IPCEF1: variants seen among roughly 807,000 people sequenced by gnomAD.
The protein encoded by IPCEF1 is interaction protein for cytohesin exchange factors 1, also known as interactor protein for cytohesin exchange factors 1.
A neutral mutation model predicts 50.9 loss-of-function variants in IPCEF1; 31 were observed. The ratio of observed to expected loss-of-function variants is 0.61; its 90% confidence interval spans 0.46 to 0.82. The LOEUF (loss-of-function observed/expected upper bound fraction) is 0.82, where lower values mean the gene tolerates loss of function less well. Ranked by LOEUF, IPCEF1 falls within the 40% of genes least tolerant of loss-of-function variation. IPCEF1 has a pLI of 0.00. For missense variants in IPCEF1, 458 were observed against 514.0 expected, an observed-to-expected ratio of 0.89 and a Z score of 1.05; for synonymous variants, 181 against 192.0, an observed-to-expected ratio of 0.94 and a Z score of 0.47.
chr6:154,297,497 T>C (rs2128672851), intron 1 of IPCEF1, among the ~76,000 whole-genome samples: 1 of 152,356 alleles, frequency 6.6e-6, no homozygotes, highest in South Asian at 2.1e-4. Context: ...CACCATGTCC[T>C]CACTCTGATT....
intron 10 of IPCEF1, among the ~76,000 whole-genome samples, chr6:154,189,197 A>G (rs1801644196): frequency 5.9e-5 from 9 of 152,252 alleles, no homozygotes; most frequent in Admixed American, 5.9e-4. Context: ...ATCCATAATC[A>G]AGATTACCAC....
chr6:154,159,391 CA>C lies in IPCEF1; in HGVS notation c.*436del, dbSNP rs1798843579. 5.7e-6 allele frequency: 1 copy of C among 175,316 alleles called. No homozygotes were observed. The highest frequency in any genetic ancestry group is 2.4e-5 in the African/African-American group (1 of 41,584). The allele number at this position is 175,316 out of a possible 1,614,324, so 10.9% of individuals were successfully genotyped here. A position where few individuals can be genotyped will look rare whatever the true frequency, so the allele number is the denominator to read the frequency against. The stretch of plus-strand genomic sequence containing the variant: ...TCTAGAAAACATTCCTCCACTCAAA[CA>C]GTGATTTGGGCCACACAGCTTCCCA... On this transcript the variant is annotated 3_prime_UTR_variant, in exon 12 of 12. Coordinates refer to ENST00000367220, the MANE Select transcript of IPCEF1 (RefSeq NM_001130700.2).
intron 3 of IPCEF1, among the ~76,000 whole-genome samples, chr6:154,248,304 T>TG (rs1300924690): frequency 4.6e-5 from 6 of 131,096 alleles, no homozygotes; most frequent in Non-Finnish European, 9.6e-5. Flanking sequence ...TGCTTTAAAA[T>TG]ACGTGTGTGT....
intron 5 of IPCEF1, among the ~76,000 whole-genome samples, chr6:154,228,228 G>A (rs1779423538): frequency 6.6e-6 from 1 of 151,944 alleles, no homozygotes; most frequent in Non-Finnish European, 1.5e-5. Context: ...CGCTTTGGGA[G>A]GCCGAGGCAG....
At chr6:154,326,365 G>A (rs1166339534) in intron 1 of IPCEF1, among the ~76,000 whole-genome samples, 2 of 152,070 alleles carry the variant, frequency 1.3e-5, no homozygotes, top group Non-Finnish European at 2.9e-5. Context: ...AGCAACTTCA[G>A]CAAAGTCACA....
chr6:154,259,754 C>T (rs543382472), intron 3 of IPCEF1, among the ~76,000 whole-genome samples: 2 of 152,138 alleles, frequency 1.3e-5, no homozygotes, highest in South Asian at 2.1e-4. Context: ...ACTTAATGAG[C>T]CCCTCCCACC....
At chr6:154,269,206 T>C (rs1781834169) in intron 2 of IPCEF1, among the ~76,000 whole-genome samples, 1 of 152,238 alleles carries the variant, frequency 6.6e-6, no homozygotes, top group Non-Finnish European at 1.5e-5. Flanking sequence ...AGGAAATCTA[T>C]AGATTCCAAA....
At chr6:154,188,300 C>T (rs1227800554) in intron 10 of IPCEF1, among the ~76,000 whole-genome samples, 1 of 152,028 alleles carries the variant, frequency 6.6e-6, no homozygotes, top group Non-Finnish European at 1.5e-5. Context: ...CAAATATGTT[C>T]AAGACTTTTC....
chr6:154,267,033 A>C (rs1404374789), intron 2 of IPCEF1, among the ~76,000 whole-genome samples: 1 of 152,156 alleles, frequency 6.6e-6, no homozygotes, highest in Non-Finnish European at 1.5e-5. Context: ...TTCATATTAA[A>C]AATGCTATAT....
intron 10 of IPCEF1, among the ~76,000 whole-genome samples, chr6:154,188,745 C>T (rs746464154): frequency 2.0e-5 from 3 of 152,172 alleles, no homozygotes; most frequent in South Asian, 2.1e-4. Context: ...ACACTGAAGA[C>T]TCATGTGGAT....
intron 1 of IPCEF1, among the ~76,000 whole-genome samples, chr6:154,342,882 G>A (rs1783946426): frequency 6.6e-6 from 1 of 152,212 alleles, no homozygotes; most frequent in Admixed American, 6.5e-5. Flanking sequence ...GGAGGCTGAG[G>A]CCAGTGGATC....
chr6:154,161,317 T>C (rs2128547439), intron 11 of IPCEF1, among the ~76,000 whole-genome samples: 1 of 151,968 alleles, frequency 6.6e-6, no homozygotes, highest in South Asian at 2.1e-4. Context: ...TTCAAGCGAT[T>C]CTCCTGCATC....
chr6:154,195,348 C>T (rs1214552141), intron 10 of IPCEF1, among the ~76,000 whole-genome samples: 2 of 152,074 alleles, frequency 1.3e-5, no homozygotes, highest in African/African-American at 2.4e-5. Flanking sequence ...GGGGTTTCAC[C>T]ATGTTAGCCA....
chr6:154,174,352 G>T (rs1423105539), intron 10 of IPCEF1, among the ~76,000 whole-genome samples: 2 of 152,122 alleles, frequency 1.3e-5, no homozygotes, highest in Non-Finnish European at 2.9e-5. Flanking sequence ...TGGGCTAAAT[G>T]TCCCAATTAA....
At chr6:154,273,251 A>G (rs904716901) in intron 2 of IPCEF1, among the ~76,000 whole-genome samples, 16 of 152,244 alleles carry the variant, frequency 1.1e-4, no homozygotes, top group African/African-American at 3.4e-4. Context: ...ACAGGCAAAC[A>G]ATGTGCGTTA....
chr6:154,270,403 A>G (rs1216778153), intron 2 of IPCEF1, among the ~76,000 whole-genome samples: 2 of 152,230 alleles, frequency 1.3e-5, no homozygotes, highest in Non-Finnish European at 2.9e-5. Context: ...CAATAATAGG[A>G]TTAGAATTAG....
chr6:154,331,586 C>T (rs927314508), intron 1 of IPCEF1, among the ~76,000 whole-genome samples: 4 of 151,948 alleles, frequency 2.6e-5, no homozygotes, highest in African/African-American at 7.3e-5. Flanking sequence ...AAGGCAGTAT[C>T]CCAATAGATA....
At chr6:154,334,989 T>C (rs767924422) in intron 1 of IPCEF1, among the ~76,000 whole-genome samples, 4 of 152,004 alleles carry the variant, frequency 2.6e-5, no homozygotes, top group Non-Finnish European at 5.9e-5. Flanking sequence ...AGAATAATTG[T>C]TTTTTTCTTC....
At chr6:154,316,858 T>A (rs950555635) in intron 1 of IPCEF1, among the ~76,000 whole-genome samples, 7 of 152,174 alleles carry the variant, frequency 4.6e-5, no homozygotes, top group Non-Finnish European at 4.4e-5. Context: ...AAACAACATG[T>A]ACCTAGTAAG....
Sources: gnomAD v4.1 joint callset for allele counts (sites outside exome capture counted in the v4.1 genomes callset) on GRCh38, gnomAD v4.1.1 for gene constraint, MANE v1.5 for transcripts, NCBI Gene and HGNC (gene_info 2026-07-23, HGNC 2026-07-21) for gene names.